Variants in ERC2 observed in about 807,000 individuals in gnomAD.
ERC2 encodes ERC protein 2.
Under a neutral mutation model 114.8 loss-of-function variants are expected in ERC2, and 42 were observed. The observed-to-expected ratio is 0.37, with a 90% CI of 0.29 to 0.47. The LOEUF (loss-of-function observed/expected upper bound fraction) is 0.47, where lower values mean the gene tolerates loss of function less well. Among genes scored for constraint, ERC2 ranks in the 20% least tolerant of loss-of-function variants. The pLI, the probability that ERC2 is intolerant of heterozygous loss-of-function variation, is 0.99. For missense variants in ERC2, 939 were observed against 1,150.7 expected, an observed-to-expected ratio of 0.82 and a Z score of 2.66; for synonymous variants, 454 against 425.5, an observed-to-expected ratio of 1.07 and a Z score of -0.82.
chr3:55,773,738 A>T (rs1303033049), intron 14 of ERC2, among the ~76,000 whole-genome samples: 1 of 152,234 alleles, frequency 6.6e-6, no homozygotes, highest in East Asian at 1.9e-4. Flanking sequence ...TTTTAAAAAA[A>T]ATCATTGCTG....
chr3:56,145,210 T>C (rs2081075909), intron 5 of ERC2, among the ~76,000 whole-genome samples: 1 of 152,162 alleles, frequency 6.6e-6, no homozygotes, highest in South Asian at 2.1e-4. Flanking sequence ...GTTAGGAGGT[T>C]TGTAATCTAT....
At chr3:55,799,679 C>T (rs2070882647) in intron 14 of ERC2, among the ~76,000 whole-genome samples, 1 of 151,858 alleles carries the variant, frequency 6.6e-6, no homozygotes, top group Non-Finnish European at 1.5e-5. Flanking sequence ...TGCCATCTCT[C>T]CCATAGTAAG....
At chr3:56,347,259 G>C (rs1178882044) in intron 2 of ERC2, among the ~76,000 whole-genome samples, 2 of 152,128 alleles carry the variant, frequency 1.3e-5, no homozygotes, top group Non-Finnish European at 2.9e-5. Context: ...AAACAACACT[G>C]AGCTGGTAAT....
At chr3:55,940,427 C>A (rs991584504) in intron 13 of ERC2, among the ~76,000 whole-genome samples, 4 of 152,098 alleles carry the variant, frequency 2.6e-5, no homozygotes, top group African/African-American at 9.7e-5. Flanking sequence ...GTCCAAAAGG[C>A]CTTCCAGAAG....
At chr3:56,219,485 C>T (rs1025611264) in intron 3 of ERC2, among the ~76,000 whole-genome samples, 7 of 151,824 alleles carry the variant, frequency 4.6e-5, no homozygotes, top group Non-Finnish European at 7.4e-5. Context: ...CAATATGTAT[C>T]CTGAGTTTCC....
intron 6 of ERC2, among the ~76,000 whole-genome samples, chr3:56,092,995 T>G (rs1039278010): frequency 1.3e-5 from 2 of 152,190 alleles, no homozygotes; most frequent in African/African-American, 4.8e-5. Context: ...AATTTTGTGA[T>G]CTTTAGGTCA....
intron 6 of ERC2, among the ~76,000 whole-genome samples, chr3:56,094,360 G>T (rs1576906321): frequency 6.6e-6 from 1 of 152,136 alleles, no homozygotes; most frequent in Admixed American, 6.5e-5. Context: ...TGTAAGTACT[G>T]CTTAAAGGTG....
chr3:56,381,199 A>C (rs536706840), intron 2 of ERC2, among the ~76,000 whole-genome samples: 3 of 152,344 alleles, frequency 2.0e-5, no homozygotes, highest in South Asian at 2.1e-4. Flanking sequence ...ATTTCTTCTT[A>C]TAACTTCATT....
chr3:56,075,921 TA>T (rs893729246), intron 7 of ERC2, among the ~76,000 whole-genome samples: 10 of 152,176 alleles, frequency 6.6e-5, no homozygotes, highest in African/African-American at 1.9e-4. Context: ...GGTATTACTA[TA>T]AAAAAATTTT....
chr3:56,281,429 T>G (rs1197085235), intron 3 of ERC2, among the ~76,000 whole-genome samples: 2 of 33,314 alleles, frequency 6.0e-5, no homozygotes, highest in Non-Finnish European at 6.3e-5. Context: ...AGAGCAAGAC[T>G]CCGTCTCAAA....
intron 3 of ERC2, among the ~76,000 whole-genome samples, chr3:56,238,699 C>G (rs1576015047): frequency 6.6e-6 from 1 of 152,174 alleles, no homozygotes; most frequent in African/African-American, 2.4e-5. Context: ...TAGCACTTCT[C>G]CAGGCCCCAG....
chr3:55,832,892 C>T (rs971999230), intron 14 of ERC2, among the ~76,000 whole-genome samples: 1 of 152,088 alleles, frequency 6.6e-6, no homozygotes, highest in Non-Finnish European at 1.5e-5. Context: ...ACTAGAATAA[C>T]CAATACAGAG....
intron 14 of ERC2, among the ~76,000 whole-genome samples, chr3:55,817,817 CACAA>C (rs1467933786): frequency 6.6e-6 from 1 of 152,200 alleles, no homozygotes; most frequent in Non-Finnish European, 1.5e-5. Flanking sequence ...ATATCTGGAA[CACAA>C]ACAGCCTTCA....
intron 14 of ERC2, among the ~76,000 whole-genome samples, chr3:55,749,773 C>G (rs2066555251): frequency 6.6e-6 from 1 of 152,170 alleles, no homozygotes; most frequent in South Asian, 2.1e-4. Context: ...CCCTTCCACG[C>G]TGTGGAAGCT....
At chr3:55,518,771 T>C (rs1433815053) in intron 17 of ERC2, among the ~76,000 whole-genome samples, 1 of 152,264 alleles carries the variant, frequency 6.6e-6, no homozygotes, top group Non-Finnish European at 1.5e-5. Context: ...CCCTGGTGGC[T>C]ATATAAATCG....
intron 3 of ERC2, among the ~76,000 whole-genome samples, chr3:56,198,838 C>T (rs114799366): frequency 1.1e-3 from 161 of 152,160 alleles, no homozygotes; most frequent in African/African-American, 3.7e-3. Context: ...GGGACTGGGT[C>T]CAGACTATAC....
intron 2 of ERC2, among the ~76,000 whole-genome samples, chr3:56,375,215 C>G (rs951079618): frequency 2.6e-5 from 4 of 152,122 alleles, no homozygotes; most frequent in African/African-American, 9.7e-5. Flanking sequence ...AATCCTGGAG[C>G]CAGGGCTAAG....
intron 12 of ERC2, among the ~76,000 whole-genome samples, chr3:55,974,659 C>A (rs1254100796): frequency 6.6e-6 from 1 of 152,200 alleles, no homozygotes; most frequent in Non-Finnish European, 1.5e-5. Context: ...CCCATCTCTG[C>A]CGTCCACGAT....
intron 14 of ERC2, among the ~76,000 whole-genome samples, chr3:55,736,472 T>A (rs934755038): frequency 1.3e-5 from 2 of 152,218 alleles, no homozygotes; most frequent in East Asian, 1.9e-4. Flanking sequence ...CATGTCCAAG[T>A]CGGTCATCTG....
Sources: gnomAD v4.1 joint callset for allele counts (sites outside exome capture counted in the v4.1 genomes callset) on GRCh38, gnomAD v4.1.1 for gene constraint, MANE v1.5 for transcripts, NCBI Gene and HGNC (gene_info 2026-07-23, HGNC 2026-07-21) for gene names.